FCF1: variants seen among roughly 807,000 people sequenced by gnomAD.
FCF1 encodes the protein rRNA-processing protein FCF1 homolog.
In FCF1, 17 loss-of-function variants were observed where a neutral mutation model predicts 32.5. The observed-to-expected ratio is 0.52, with a 90% CI of 0.36 to 0.78. FCF1 has a LOEUF of 0.78. Among genes scored for constraint, FCF1 ranks in the 30% least tolerant of loss-of-function variants. The pLI, the probability that FCF1 is intolerant of heterozygous loss-of-function variation, is 0.00. For missense variants in FCF1, 201 were observed against 241.1 expected (o/e 0.83, Z 1.10); for synonymous variants, 84 against 78.4 (o/e 1.07, Z -0.38).
intron 1 of FCF1, 57 bp from the exon 2 acceptor site, chr14:74,713,428 A>C: frequency 6.3e-7 from 1 of 1,575,768 alleles, no homozygotes; most frequent in Non-Finnish European, 8.7e-7. Context: ...AAAAGAAGAG[A>C]CTTTAAAAGA....
chr14:74,715,666 G>A (rs1243390286), intron 3 of FCF1: 4 of 482,858 alleles, frequency 8.3e-6, no homozygotes, highest in South Asian at 8.0e-5. Context: ...TGCCCATGGT[G>A]ATTCTACTTT....
rs184357884 is a variant in FCF1 at position 74,725,441 on chromosome 14, C to T, written c.365+2097C>T. Among the ~76,000 whole-genome samples, 382 of 130,034 alleles carry T rather than the reference C, an allele frequency of 2.9e-3. 6 individuals carry two copies. Among genetic ancestry groups the T allele is most frequent in the Non-Finnish European group, 4.0e-3 (255 of 64,448 alleles). The allele number at this position is 130,034 out of a possible 152,430, so 85.3% of individuals were successfully genotyped here. Reference sequence around the variant, plus strand: ...GTTTCAGTGAGCTGAGGTCATGCCACTGTACTCCAGCCTGGGCTACAAAGC... The same window carrying T: ...GTTTCAGTGAGCTGAGGTCATGCCATTGTACTCCAGCCTGGGCTACAAAGC... On this transcript the variant is annotated intron_variant, in intron 5 of 7. Coordinates refer to ENST00000341162, the MANE Select transcript of FCF1 (RefSeq NM_015962.5).
intron 5 of FCF1, among the ~76,000 whole-genome samples, chr14:74,725,357 A>ATAT (rs1343687837): frequency 6.7e-6 from 1 of 149,984 alleles, no homozygotes; most frequent in African/African-American, 2.5e-5. Flanking sequence ...GCGGGTGCCC[A>ATAT]TATTCCCAGC....
intron 5 of FCF1, among the ~76,000 whole-genome samples, chr14:74,727,296 A>G (rs1016276637): frequency 6.6e-6 from 1 of 151,452 alleles, no homozygotes; most frequent in African/African-American, 2.4e-5. Context: ...AATGATTGCC[A>G]TTCTAACTGG....
intron 4 of FCF1, among the ~76,000 whole-genome samples, chr14:74,722,155 C>T (rs372574284): frequency 5.1e-4 from 76 of 148,194 alleles, no homozygotes; most frequent in Middle Eastern, 7.0e-3. Context: ...TTGAACTGAT[C>T]CTCCTGCCTC....
chr14:74,734,281 G>A, intron 7 of FCF1, 111 bp downstream of exon 7: 1 of 626,492 alleles, frequency 1.6e-6, no homozygotes, highest in Non-Finnish European at 2.8e-6. Flanking sequence ...TGTATCAAAT[G>A]TTTACATAGT....
chr14:74,731,707 T>G (rs1054546904), intron 5 of FCF1, among the ~76,000 whole-genome samples: 3 of 152,236 alleles, frequency 2.0e-5, no homozygotes, highest in African/African-American at 7.2e-5. Context: ...GCTTGGCACA[T>G]TCTTTAATCT....
chr14:74,724,633 G>A lies in FCF1; in HGVS notation c.365+1289G>A, dbSNP rs146501943. On this transcript the variant is annotated intron_variant, in intron 5 of 7. Transcript: ENST00000341162. ...ACAGAAGAAACTATAGGCTGGGCAC[G>A]GTGGCTCATGCCTGTAATCCCAACA... Among the ~76,000 whole-genome samples the A allele has an allele frequency of 1.0e-3, 159 of 152,280 alleles. 2 individuals are homozygous for A. The highest frequency in any genetic ancestry group is 0.01 in the Middle Eastern group (3 of 294).
chr14:74,729,307 A>G (rs2090606882), intron 5 of FCF1, among the ~76,000 whole-genome samples: 1 of 151,972 alleles, frequency 6.6e-6, no homozygotes, highest in African/African-American at 2.4e-5. Context: ...TCAGAGATTC[A>G]ACTTCTTCCT....
In FCF1 at chr14:74,735,536, T is replaced by A. The variant is rs1280944452; in HGVS notation, c.*606T>A. Reference sequence around the variant, plus strand: ...TATTATTCTGTTGACCTATTTGCCTTACTATGAGCTGAGGGTAGTTCAATA... The same window carrying A: ...TATTATTCTGTTGACCTATTTGCCTAACTATGAGCTGAGGGTAGTTCAATA... On this transcript the variant is annotated 3_prime_UTR_variant, in exon 8 of 8. Coordinates refer to ENST00000341162, the MANE Select transcript of FCF1 (RefSeq NM_015962.5). 6.6e-6 allele frequency: 1 copy of A among 152,438 alleles called. No individual in the cohort carries two copies. The highest frequency in any genetic ancestry group is 1.5e-5 in the Non-Finnish European group (1 of 68,264). 9.4% of individuals were successfully genotyped at this position (152,438 alleles called of 1,614,324 possible). A position where few individuals can be genotyped will look rare whatever the true frequency, so the allele number is the denominator to read the frequency against.
chr14:74,715,567 A>G (rs1171697528), intron 3 of FCF1: 4 of 347,074 alleles, frequency 1.2e-5, no homozygotes, highest in Middle Eastern at 1.0e-3. Context: ...TCTCTATCAC[A>G]TTCCATAACA....
chr14:74,718,882 A>G (rs1337866795), intron 4 of FCF1, among the ~76,000 whole-genome samples: 1 of 152,030 alleles, frequency 6.6e-6, no homozygotes, highest in Non-Finnish European at 1.5e-5. Flanking sequence ...CCAGGGGGCC[A>G]GGTGCGGTGG....
chr14:74,722,498 A>T (rs887868690), intron 4 of FCF1, among the ~76,000 whole-genome samples: 5 of 152,162 alleles, frequency 3.3e-5, no homozygotes, highest in Non-Finnish European at 5.9e-5. Flanking sequence ...CCTCACCTAT[A>T]AAATAGGGAT....
rs2140044679 is a variant in FCF1 at position 74,736,426 on chromosome 14, T to G, written c.*1496T>G. ...GACTGTCTCAAAAAAAAAAAAAAAT[T>G]AATGATGGTCAAAGGGTATAAAATC... On this transcript the variant is annotated 3_prime_UTR_variant, in exon 8 of 8. Transcript: ENST00000341162. 6.6e-6 allele frequency: 1 copy of G among 151,806 alleles called. No individual in the cohort carries two copies. Among genetic ancestry groups the G allele is most frequent in the South Asian group, 2.1e-4 (1 of 4,794 alleles). 9.4% of individuals were successfully genotyped at this position (151,806 alleles called of 1,614,324 possible).
chr14:74,716,409 C>CT (rs1245016548), intron 4 of FCF1, among the ~76,000 whole-genome samples: 1 of 152,158 alleles, frequency 6.6e-6, no homozygotes, highest in Non-Finnish European at 1.5e-5. Context: ...AATGAAAAAT[C>CT]TATTTTTCAG....
At chr14:74,723,843 A>AG (rs397956032) in intron 5 of FCF1, among the ~76,000 whole-genome samples, 5 of 149,758 alleles carry the variant, frequency 3.3e-5, no homozygotes, top group African/African-American at 4.9e-5. Flanking sequence ...AAAAAAAAAA[A>AG]GAGAAAATAC....
intron 5 of FCF1, among the ~76,000 whole-genome samples, chr14:74,729,330 G>A (rs1279864440): frequency 2.0e-5 from 3 of 151,472 alleles, no homozygotes; most frequent in African/African-American, 7.3e-5. Context: ...TTTAGTCTTG[G>A]GAGAGTGTAT....
Position 74,738,464 on chromosome 14 carries a change from C to A in FCF1, c.*3534C>A, listed in dbSNP as rs747093714. The A allele has an allele frequency of 6.6e-6, 1 of 152,140 alleles. No homozygotes were observed. The highest frequency in any genetic ancestry group is 1.5e-5 in the Non-Finnish European group (1 of 68,032). 9.4% of individuals were successfully genotyped at this position (152,140 alleles called of 1,614,324 possible). On this transcript the variant is annotated 3_prime_UTR_variant, in exon 8 of 8. Transcript: ENST00000341162. ...TTTCTGTGCAAGACACTCCCCTCCC[C>A]TAAAAAACAAGTGACTGATGAGATT...
rs983880439 is a variant in FCF1, at chr14:74,735,568, CTCTT to C, written c.*640_*643del. The C allele has an allele frequency of 6.6e-6, 1 of 151,444 alleles. No homozygotes were observed. The highest frequency in any genetic ancestry group is 1.5e-5 in the Non-Finnish European group (1 of 67,980). The allele number at this position is 151,444 out of a possible 1,614,324, so 9.4% of individuals were successfully genotyped here. ...AGCTGAGGGTAGTTCAATATGCTCACTCTTTTTTTTTTTTTTCTTGAGATGAAGT... is the reference window on the plus strand; with the variant it reads ...AGCTGAGGGTAGTTCAATATGCTCACTTTTTTTTTTTTCTTGAGATGAAGT... On this transcript the variant is annotated 3_prime_UTR_variant, in exon 8 of 8. Coordinates refer to ENST00000341162, the MANE Select transcript of FCF1 (RefSeq NM_015962.5).
Sources: allele counts gnomAD v4.1 joint callset (sites outside exome capture counted in the v4.1 genomes callset), GRCh38; gene constraint gnomAD v4.1.1; transcripts MANE v1.5; gene names NCBI Gene and HGNC (gene_info 2026-07-23, HGNC 2026-07-21).